The following TMPRSS11E variants were observed in gnomAD, a reference collection of about 807,000 sequenced individuals.
The protein encoded by TMPRSS11E is transmembrane protease serine 11E.
In TMPRSS11E, 38 loss-of-function variants were observed where a neutral mutation model predicts 48.1. The observed-to-expected ratio is 0.79, with a 90% CI of 0.61 to 1.04. The LOEUF (loss-of-function observed/expected upper bound fraction) is 1.04, where lower values mean the gene tolerates loss of function less well. TMPRSS11E is among the 50% of genes least tolerant of loss of function. TMPRSS11E has a pLI of 0.00. For synonymous variants in TMPRSS11E, 158 were observed against 171.9 expected, an observed-to-expected ratio of 0.92 and a Z score of 0.63; for missense variants, 530 against 510.8, an observed-to-expected ratio of 1.04 and a Z score of -0.36.
rs537161079 is a variant in TMPRSS11E, at chr4:68,463,477, A to G, written c.136+1532A>G. 2.6e-5 allele frequency among the ~76,000 whole-genome samples: 4 copies of G among 151,968 alleles called. No homozygotes were observed. In the South Asian group the frequency reaches 6.3e-4, roughly 24 times the overall value. On this transcript the variant is annotated intron_variant, in intron 2 of 9. Transcript: ENST00000305363. ...CCACCACACCCGGCTAATTTTTTCT[A>G]TTTTTAGCAGAGACAGGGTTTCACC...
chr4:68,482,506 C>T (rs991222652), intron 9 of TMPRSS11E, among the ~76,000 whole-genome samples: 3 of 141,522 alleles, frequency 2.1e-5, no homozygotes, highest in Non-Finnish European at 4.5e-5. Flanking sequence ...ATAATCCCAG[C>T]ATTTTGGAAG....
chr4:68,490,913 G>A (rs1010586320), intron 9 of TMPRSS11E, among the ~76,000 whole-genome samples: 2 of 151,744 alleles, frequency 1.3e-5, no homozygotes, highest in Non-Finnish European at 1.5e-5. Flanking sequence ...CATGTGCCAC[G>A]ACACCTGACT....
chr4:68,454,498 C>T (rs979841363), intron 1 of TMPRSS11E, among the ~76,000 whole-genome samples: 2 of 151,758 alleles, frequency 1.3e-5, no homozygotes, highest in Admixed American at 6.6e-5. Flanking sequence ...ATGTACCATC[C>T]AAAAATTAAA....
At chr4:68,487,443 G>A (rs1729589323) in intron 9 of TMPRSS11E, among the ~76,000 whole-genome samples, 1 of 151,958 alleles carries the variant, frequency 6.6e-6, no homozygotes, top group Non-Finnish European at 1.5e-5. Context: ...GTAGAGATGG[G>A]ATTTCGCTAT....
rs146418023 is a variant in TMPRSS11E, at chr4:68,484,950, G to A, written c.1110+5959G>A. ...TGGATGCCTTTTATGTCTTTCTCTTGCCTAATTGCTTTGGTCAAAACTTCC... is the reference window on the plus strand; with the variant it reads ...TGGATGCCTTTTATGTCTTTCTCTTACCTAATTGCTTTGGTCAAAACTTCC... On this transcript the variant is annotated intron_variant, in intron 9 of 9. Coordinates refer to ENST00000305363, the MANE Select transcript of TMPRSS11E (RefSeq NM_014058.4). Among the ~76,000 whole-genome samples the A allele has an allele frequency of 6.2e-3, 938 of 152,152 alleles. 3 individuals carry two copies. The highest frequency in any genetic ancestry group is 8.4e-3 in the Non-Finnish European group (572 of 67,996).
chr4:68,492,828 A>T (rs569513034), intron 9 of TMPRSS11E, among the ~76,000 whole-genome samples: 2 of 152,302 alleles, frequency 1.3e-5, no homozygotes, highest in South Asian at 4.1e-4. Context: ...ACAGAACACG[A>T]CTACCATGAA....
intron 9 of TMPRSS11E, among the ~76,000 whole-genome samples, chr4:68,482,812 G>T (rs958017151): frequency 2.0e-5 from 3 of 151,824 alleles, no homozygotes; most frequent in African/African-American, 7.3e-5. Flanking sequence ...TCTCATCTGA[G>T]ATAAAGCAAT....
At position 68,478,869 on chromosome 4, in the gene TMPRSS11E, C is replaced by T. The variant is rs1245131954; in HGVS notation, c.988C>T (p.Arg330Ter). The change falls in exon 9 of 10, where the codon CGA (arginine) becomes TGA (stop). Residue 330 changes from arginine to a stop codon, truncating the protein, a stop_gained. Transcript: ENST00000305363. LOFTEE classifies it high-confidence loss of function. ...KNDGYSQNHL[R>*]QAQVTLIDAT... ...TTTAGGTTACAGTCAAAATCATCTT[C>T]GACAAGCACAGGTGACTCTCATAGA... 57 of 1,613,678 alleles carry T rather than the reference C, an allele frequency of 3.5e-5. No homozygotes were observed. Among genetic ancestry groups the T allele is most frequent in the Non-Finnish European group, 4.1e-5 (48 of 1,179,908 alleles).
intron 3 of TMPRSS11E, 30 bp downstream of exon 3, chr4:68,466,782 A>C (rs1728939056): frequency 1.2e-6 from 2 of 1,611,822 alleles, no homozygotes. Context: ...CTTCTAGTGC[A>C]TTTGCTTTCA....
chr4:68,487,098 G>A (rs1307490329), intron 9 of TMPRSS11E, among the ~76,000 whole-genome samples: 1 of 152,150 alleles, frequency 6.6e-6, no homozygotes, highest in Non-Finnish European at 1.5e-5. Flanking sequence ...TCCCTTGTAA[G>A]TGGGGCATTA....
intron 9 of TMPRSS11E, among the ~76,000 whole-genome samples, chr4:68,489,335 C>A (rs1302436457): frequency 2.6e-5 from 4 of 152,096 alleles, no homozygotes; most frequent in African/African-American, 4.8e-5. Flanking sequence ...TAAGTACCTC[C>A]TGGGTTGGAA....
intron 4 of TMPRSS11E, among the ~76,000 whole-genome samples, chr4:68,470,953 T>C (rs1481774310): frequency 6.6e-6 from 1 of 151,810 alleles, no homozygotes; most frequent in Non-Finnish European, 1.5e-5. Context: ...AAAACCACAG[T>C]TGATTTCATA....
chr4:68,491,470 T>C lies in TMPRSS11E; in HGVS notation c.1111-5173T>C, dbSNP rs142907154. Among the ~76,000 whole-genome samples, 391 of 152,216 alleles carry C rather than the reference T, an allele frequency of 2.6e-3. 1 individual carries two copies. Among genetic ancestry groups the C allele is most frequent in the African/African-American group, 8.9e-3 (370 of 41,550 alleles). Reference sequence around the variant, plus strand: ...TTTGTTTGTTTTAGCCATATTTAGCTGGGGAAAAAAGAATAAGTAAGTCTG... The same window carrying C: ...TTTGTTTGTTTTAGCCATATTTAGCCGGGGAAAAAAGAATAAGTAAGTCTG... On this transcript the variant is annotated intron_variant, in intron 9 of 9. Transcript: ENST00000305363.
intron 2 of TMPRSS11E, among the ~76,000 whole-genome samples, chr4:68,462,646 C>T (rs1196290907): frequency 6.6e-6 from 1 of 151,740 alleles, no homozygotes; most frequent in Non-Finnish European, 1.5e-5. Flanking sequence ...ATGACACAAT[C>T]TGGAGTCATA....
intron 9 of TMPRSS11E, among the ~76,000 whole-genome samples, chr4:68,482,558 A>C (rs1451208130): frequency 1.5e-5 from 2 of 133,858 alleles, no homozygotes; most frequent in African/African-American, 5.6e-5. Context: ...GTTTGAGACC[A>C]GCCTGGGTAA....
chr4:68,471,784 T>A (rs907227167), intron 5 of TMPRSS11E, among the ~76,000 whole-genome samples, 161 bp downstream of exon 5: 1 of 151,916 alleles, frequency 6.6e-6, no homozygotes, highest in African/African-American at 2.4e-5. Context: ...AGTATTTTAA[T>A]TTTTAAGACT....
intron 1 of TMPRSS11E, among the ~76,000 whole-genome samples, chr4:68,451,094 G>A (rs1414471232): frequency 6.6e-6 from 1 of 151,846 alleles, no homozygotes; most frequent in East Asian, 1.9e-4. Flanking sequence ...CATGCCTGAT[G>A]GTTTTAGTGC....
chr4:68,477,694 A>G, intron 8 of TMPRSS11E, 66 bp downstream of exon 8: 1 of 1,556,722 alleles, frequency 6.4e-7, no homozygotes, highest in Non-Finnish European at 8.8e-7. Context: ...AAGCAATGAA[A>G]TGCCATTATG....
At chr4:68,484,299 A>G (rs1327775984) in intron 9 of TMPRSS11E, among the ~76,000 whole-genome samples, 1 of 152,064 alleles carries the variant, frequency 6.6e-6, no homozygotes, top group Non-Finnish European at 1.5e-5. Context: ...GTTTGTGTCA[A>G]CTATGGTTTC....
Sources: allele counts gnomAD v4.1 joint callset (sites outside exome capture counted in the v4.1 genomes callset), GRCh38; gene constraint gnomAD v4.1.1; transcripts MANE v1.5; gene names NCBI Gene and HGNC (gene_info 2026-07-23, HGNC 2026-07-21).